KDM1B: variants seen among roughly 807,000 people sequenced by gnomAD.
The protein encoded by KDM1B is lysine demethylase 1B.
Under a neutral mutation model 107.4 loss-of-function variants are expected in KDM1B, and 63 were observed. The ratio of observed to expected loss-of-function variants is 0.59; its 90% CI spans 0.48 to 0.72. The LOEUF is 0.72. Among genes scored for constraint, KDM1B ranks in the 30% least tolerant of loss-of-function variants. KDM1B has a pLI of 0.00. For missense variants in KDM1B, 749 were observed against 1,020.8 expected (o/e 0.73, Z 3.63); for synonymous variants, 363 against 363.9 (o/e 1.00, Z 0.03).
At position 18,217,363 on chromosome 6, in the gene KDM1B, A is replaced by ATG. The variant is rs578134416; in HGVS notation, c.2233-368_2233-367dup. On this transcript the variant is annotated intron_variant, in intron 20 of 21. Coordinates refer to ENST00000650836, the MANE Select transcript of KDM1B (RefSeq NM_001364614.2). Reference sequence around the variant, plus strand: ...CAAAATGTATGAGTTGGGTTGTACCATGTCTATCTCCCTTCTTTTTTTTTT... The same window carrying ATG: ...CAAAATGTATGAGTTGGGTTGTACCATGTGTCTATCTCCCTTCTTTTTTTTTT... 4.0e-3 allele frequency among the ~76,000 whole-genome samples: 594 copies of ATG among 150,074 alleles called. 5 individuals are homozygous for ATG. The highest frequency in any genetic ancestry group is 0.014 in the African/African-American group (571 of 40,608).
rs1434413215 is a variant in KDM1B, at chr6:18,186,913, G to A, written c.574-879G>A. ...GGGGATTATAGGAACTACAATTCAA[G>A]ATGAGATTTGAGTGGGGACCCAGCC... On this transcript the variant is annotated intron_variant, in intron 8 of 21. Transcript: ENST00000650836. The surrounding 1 kb of genome is among the most constrained non-coding windows in gnomAD (Gnocchi z 5.6). Among the ~76,000 whole-genome samples, 3 of 151,884 alleles carry A rather than the reference G, an allele frequency of 2.0e-5. No individual in the cohort carries two copies. The highest frequency in any genetic ancestry group is 4.4e-5 in the Non-Finnish European group (3 of 67,986).
chr6:18,213,117 T>C lies in KDM1B; in HGVS notation c.1983+513T>C, dbSNP rs565984623. Among the ~76,000 whole-genome samples, 86 of 152,118 alleles carry C rather than the reference T, an allele frequency of 5.7e-4. No individual in the cohort carries two copies. Among genetic ancestry groups the C allele is most frequent in the African/African-American group, 2.0e-3 (82 of 41,506 alleles). On this transcript the variant is annotated intron_variant, in intron 18 of 21. Transcript: ENST00000650836. The surrounding 1 kb of genome is among the most constrained non-coding windows in gnomAD (Gnocchi z 5.9). Reference sequence around the variant, plus strand: ...GGTTGCCAGTGGGTTCCATTATCCATGGGAATGGAACTGAGTGGCATCAAA... The same window carrying C: ...GGTTGCCAGTGGGTTCCATTATCCACGGGAATGGAACTGAGTGGCATCAAA...
At chr6:18,217,587 C>T (rs1323446595) in intron 20 of KDM1B, 146 bp from the exon 21 acceptor site, 23 of 588,914 alleles carry the variant, frequency 3.9e-5, no homozygotes, top group Non-Finnish European at 5.7e-5. Context: ...CCGTGTTAGC[C>T]AGGATCGTCT....
intron 8 of KDM1B, 43 bp downstream of exon 8, chr6:18,185,853 TTGA>T (rs1786818903): frequency 1.3e-6 from 2 of 1,578,206 alleles, no homozygotes; most frequent in Non-Finnish European, 1.7e-6. Flanking sequence ...AATTGTGCCT[TTGA>T]TGATAAGTGT....
chr6:18,158,781 A>G (rs981710169), intron 2 of KDM1B, among the ~76,000 whole-genome samples: 1 of 152,180 alleles, frequency 6.6e-6, no homozygotes, highest in African/African-American at 2.4e-5. Flanking sequence ...GCTGCTACAC[A>G]TTATTTCTCT....
At chr6:18,206,486 C>G (rs1157561861) in intron 15 of KDM1B, among the ~76,000 whole-genome samples, 1 of 152,184 alleles carries the variant, frequency 6.6e-6, no homozygotes, top group Admixed American at 6.5e-5. Context: ...TACCACACTG[C>G]TGCCTGGGCG....
chr6:18,219,052 G>A (rs1789466404), intron 21 of KDM1B, among the ~76,000 whole-genome samples: 2 of 151,956 alleles, frequency 1.3e-5, no homozygotes, highest in Admixed American at 6.6e-5. Context: ...ACAGGCGCCC[G>A]CCACCACGCC....
intron 7 of KDM1B, among the ~76,000 whole-genome samples, chr6:18,174,216 A>T (rs1785845727): frequency 6.6e-6 from 1 of 152,146 alleles, no homozygotes; most frequent in African/African-American, 2.4e-5. Flanking sequence ...GTAAGTCTTA[A>T]AATCAGGTAG....
intron 21 of KDM1B, among the ~76,000 whole-genome samples, chr6:18,221,166 C>G (rs1053697381): frequency 1.3e-5 from 2 of 152,242 alleles, no homozygotes; most frequent in Admixed American, 6.5e-5. Context: ...TGGATGTTTT[C>G]CCTTCTATCC....
chr6:18,222,939 G>T lies in KDM1B; in HGVS notation c.*947G>T, dbSNP rs1252703352. On this transcript the variant is annotated 3_prime_UTR_variant, in exon 22 of 22. Coordinates refer to ENST00000650836, the MANE Select transcript of KDM1B (RefSeq NM_001364614.2). ...TAGGCAGGTCCACTGGAAAACTGCAGAAAAATGTGAGCTCTCCTGGTAAAT... is the reference window on the plus strand; with the variant it reads ...TAGGCAGGTCCACTGGAAAACTGCATAAAAATGTGAGCTCTCCTGGTAAAT... 1 of 152,570 alleles carries T rather than the reference G, an allele frequency of 6.6e-6. No homozygotes were observed. The highest frequency in any genetic ancestry group is 2.4e-5 in the African/African-American group (1 of 41,430). 9.5% of individuals were successfully genotyped at this position (152,570 alleles called of 1,614,324 possible). A position where few individuals can be genotyped will look rare whatever the true frequency, so the allele number is the denominator to read the frequency against.
chr6:18,172,800 T>C lies in KDM1B; in HGVS notation c.534+1321T>C, dbSNP rs892130888. On this transcript the variant is annotated intron_variant, in intron 7 of 21. Coordinates refer to ENST00000650836, the MANE Select transcript of KDM1B (RefSeq NM_001364614.2). This position sits in a 1 kb window ranked among gnomAD's most constrained non-coding sequence, Gnocchi z 5.2. ...TTCGTTTCTTATGAATAAAAACATA[T>C]TAGGAGTGGTTGGGCGCGGTGGCTC... is the stretch of plus-strand genomic sequence containing the variant. Among the ~76,000 whole-genome samples the C allele has an allele frequency of 1.3e-5, 2 of 152,016 alleles. No homozygotes were observed. The highest frequency in any genetic ancestry group is 4.8e-5 in the African/African-American group (2 of 41,396).
chr6:18,156,037 G>C (rs566256354), intron 2 of KDM1B, 111 bp downstream of exon 2: 2 of 151,172 alleles, frequency 1.3e-5, no homozygotes, highest in South Asian at 4.2e-4. Flanking sequence ...CCTGGGGACT[G>C]TCAGAGCCGC....
Position 18,159,474 on chromosome 6 carries a change from T to C in KDM1B, c.-13-409T>C, listed in dbSNP as rs75390997. Among the ~76,000 whole-genome samples, 3,959 of 152,356 alleles carry C rather than the reference T, an allele frequency of 0.026. 69 individuals carry two copies. The highest frequency in any genetic ancestry group is 0.039 in the Non-Finnish European group (2,625 of 68,028). On this transcript the variant is annotated intron_variant, in intron 2 of 21. Coordinates refer to ENST00000650836, the MANE Select transcript of KDM1B (RefSeq NM_001364614.2). This position sits in a 1 kb window ranked among gnomAD's most constrained non-coding sequence, Gnocchi z 4.5. ...CATAACTACTAATAGGTAATGTTTA[T>C]TGAGTACTTACGATATGCCAGTTTT...
chr6:18,163,978 C>CAT (rs1785128732), intron 5 of KDM1B, among the ~76,000 whole-genome samples: 1 of 151,912 alleles, frequency 6.6e-6, no homozygotes, highest in African/African-American at 2.4e-5. Flanking sequence ...TATATACACA[C>CAT]ACATACATAC....
intron 21 of KDM1B, among the ~76,000 whole-genome samples, chr6:18,220,539 CTT>C (rs958092873): frequency 7.9e-4 from 121 of 152,234 alleles, no homozygotes; most frequent in African/African-American, 2.9e-3. Flanking sequence ...GAGTGAGACT[CTT>C]TTTCAAAACA....
intron 10 of KDM1B, among the ~76,000 whole-genome samples, chr6:18,192,768 C>T: frequency 6.8e-6 from 1 of 148,140 alleles, no homozygotes; most frequent in Middle Eastern, 3.4e-3. Context: ...AGAGAAACAC[C>T]TTGGATTCAT....
chr6:18,212,297 C>A lies in KDM1B; in HGVS notation c.1867-191C>A. On this transcript the variant is annotated intron_variant, in intron 17 of 21. Coordinates refer to ENST00000650836, the MANE Select transcript of KDM1B (RefSeq NM_001364614.2). The surrounding 1 kb of genome is among the most constrained non-coding windows in gnomAD (Gnocchi z 5.2). Reference sequence around the variant, plus strand: ...TTATTCACCATCAGGACGTTTTTTGCCCACTCTTCCCTGTGGTTGCCACTT... The same window carrying A: ...TTATTCACCATCAGGACGTTTTTTGACCACTCTTCCCTGTGGTTGCCACTT... 1.6e-6 allele frequency: 1 copy of A among 616,848 alleles called. No individual in the cohort carries two copies. Among genetic ancestry groups the A allele is most frequent in the Non-Finnish European group, 2.9e-6 (1 of 342,574 alleles). 38.2% of individuals were successfully genotyped at this position (616,848 alleles called of 1,614,324 possible).
At chr6:18,206,007 G>T (rs1309324394) in intron 15 of KDM1B, among the ~76,000 whole-genome samples, 1 of 151,956 alleles carries the variant, frequency 6.6e-6, no homozygotes, top group Non-Finnish European at 1.5e-5. Flanking sequence ...ACTTGTTTTT[G>T]TGTATGTGTG....
At chr6:18,170,279 T>C (rs1437646381) in intron 6 of KDM1B, among the ~76,000 whole-genome samples, 2 of 152,174 alleles carry the variant, frequency 1.3e-5, no homozygotes, top group Non-Finnish European at 2.9e-5. Context: ...CTTCCCTTAA[T>C]GTTGTCATCT....
Sources: allele counts gnomAD v4.1 joint callset (sites outside exome capture counted in the v4.1 genomes callset), GRCh38; gene constraint gnomAD v4.1.1; non-coding constraint Gnocchi (gnomAD v3.1); transcripts MANE v1.5; gene names NCBI Gene and HGNC (gene_info 2026-07-23, HGNC 2026-07-21).